Variants in EFHB observed in about 807,000 individuals in gnomAD.
The protein encoded by EFHB is EF-hand domain-containing family member B.
A neutral mutation model predicts 87.2 loss-of-function variants in EFHB; 91 were observed. That is an observed-to-expected ratio of 1.04 (90% confidence interval 0.88 to 1.24). The LOEUF is 1.24. Among genes scored for constraint, EFHB ranks in the 50% most tolerant of loss-of-function variants. EFHB has a pLI of 0.00. For missense variants in EFHB, 1,084 were observed against 998.8 expected (o/e 1.09, Z -1.15); for synonymous variants, 325 against 333.6 (o/e 0.97, Z 0.28).
In EFHB at chr3:19,919,808, C is replaced by G. The variant is rs73190442; in HGVS notation, c.996+25G>C. On this transcript the variant is annotated intron_variant, in intron 3 of 12. Transcript: ENST00000295824. Reference sequence around the variant, plus strand: ...TTCACCTTGGTAAATTAATAATGTACAAGGAAAAAAAGAAAATAACTTACC... The same window carrying G: ...TTCACCTTGGTAAATTAATAATGTAGAAGGAAAAAAAGAAAATAACTTACC... 7,363 of 1,599,032 alleles carry G rather than the reference C, an allele frequency of 4.6e-3. 196 individuals carry two copies. The African/African-American group carries it at 0.072, about 16-fold the overall frequency.
intron 12 of EFHB, among the ~76,000 whole-genome samples, chr3:19,881,574 T>C (rs183913827): frequency 1.3e-5 from 2 of 152,148 alleles, no homozygotes; most frequent in African/African-American, 2.4e-5. Context: ...ATCTGGAGGT[T>C]TTCTTCTTTG....
intron 3 of EFHB, among the ~76,000 whole-genome samples, chr3:19,919,250 G>T (rs1225030280): frequency 6.6e-6 from 1 of 151,820 alleles, no homozygotes; most frequent in Non-Finnish European, 1.5e-5. Context: ...AGGCTGGATT[G>T]CAGTGGCATG....
intron 4 of EFHB, among the ~76,000 whole-genome samples, chr3:19,917,444 G>A (rs1695272703): frequency 6.6e-6 from 1 of 152,076 alleles, no homozygotes; most frequent in South Asian, 2.1e-4. Context: ...GCCTTTCGGT[G>A]AACAAAGCTA....
chr3:19,920,081 T>A, intron 2 of EFHB, 105 bp from the exon 3 acceptor site: 2 of 1,197,984 alleles, frequency 1.7e-6, no homozygotes, highest in Non-Finnish European at 1.2e-6. Flanking sequence ...ATGTATGTAG[T>A]AAATGCATTT....
At chr3:19,892,609 C>T (rs1286934292) in intron 9 of EFHB, among the ~76,000 whole-genome samples, 13 of 152,166 alleles carry the variant, frequency 8.5e-5, no homozygotes, top group Non-Finnish European at 7.4e-5. Flanking sequence ...AAATTTAATT[C>T]TATTTCAGCC....
At chr3:19,935,844 T>C (rs1255947923), upstream of EFHB, among the ~76,000 whole-genome samples, 4 of 151,806 alleles carry the variant, frequency 2.6e-5, no homozygotes, top group African/African-American at 9.7e-5. Flanking sequence ...ACCCCGTTTC[T>C]ACTTAAAATA....
intron 8 of EFHB, 26 bp downstream of exon 8, chr3:19,898,752 T>C (rs1229480365): frequency 1.2e-6 from 2 of 1,611,452 alleles, no homozygotes; most frequent in Non-Finnish European, 1.7e-6. Flanking sequence ...TTTGGGGTTT[T>C]TTACGGAGAA....
At chr3:19,931,476 C>G (rs1695829886) in intron 1 of EFHB, among the ~76,000 whole-genome samples, 1 of 152,158 alleles carries the variant, frequency 6.6e-6, no homozygotes, top group Non-Finnish European at 1.5e-5. Context: ...AGTAAAGTGG[C>G]TGGGAAAACC....
chr3:19,900,325 C>T (rs1250825609), intron 6 of EFHB, among the ~76,000 whole-genome samples: 1 of 151,910 alleles, frequency 6.6e-6, no homozygotes, highest in African/African-American at 2.4e-5. Flanking sequence ...AAATAACTCA[C>T]ATCTAGTAAG....
intron 1 of EFHB, among the ~76,000 whole-genome samples, chr3:19,941,916 G>A (rs1696168011): frequency 7.1e-6 from 1 of 141,516 alleles, no homozygotes; most frequent in Non-Finnish European, 1.5e-5. Flanking sequence ...CACTTTGGGA[G>A]GCTGAGGGGG....
intron 9 of EFHB, among the ~76,000 whole-genome samples, chr3:19,896,094 A>T (rs912471166): frequency 6.6e-6 from 1 of 152,204 alleles, no homozygotes; most frequent in Non-Finnish European, 1.5e-5. Context: ...CCTAGAATGC[A>T]GGTACTCTGT....
intron 5 of EFHB, among the ~76,000 whole-genome samples, chr3:19,906,663 C>T (rs961033761): frequency 2.0e-5 from 3 of 151,136 alleles, no homozygotes; most frequent in African/African-American, 2.4e-5. Context: ...AATGTGATCC[C>T]TATCAAAATT....
chr3:19,884,357 G>C (rs774923449), intron 11 of EFHB, 46 bp downstream of exon 11: 1 of 1,542,642 alleles, frequency 6.5e-7, no homozygotes, highest in Admixed American at 1.8e-5. Flanking sequence ...GACAGACAGA[G>C]GACAGTTTGT....
intron 5 of EFHB, among the ~76,000 whole-genome samples, chr3:19,906,720 T>G (rs1440423930): frequency 6.6e-6 from 1 of 151,896 alleles, no homozygotes; most frequent in East Asian, 1.9e-4. Flanking sequence ...TCTTAAAAAT[T>G]TATATAGAAC....
Position 19,899,435 on chromosome 3 carries a change from T to C in EFHB, c.1499A>G (p.Asp500Gly). Residue 500 changes from aspartate to glycine, a missense_variant, in exon 7 of 13, where the codon GAT (aspartate) becomes GGT (glycine). By Grantham distance (94) the Asp-to-Gly change is moderately conservative (BLOSUM62 -1). Coordinates refer to ENST00000295824, the MANE Select transcript of EFHB (RefSeq NM_144715.4). ...TTGAAGTTAATCATTAACTTACGGA[T>C]CTAAAACTCTTCCAAGTTTATGTTG... ...KFQHKLGRVL[D>G]PIAETMNVPP... 3.1e-6 allele frequency: 5 copies of C among 1,596,896 alleles called. No homozygotes were observed. The highest frequency in any genetic ancestry group is 4.3e-6 in the Non-Finnish European group (5 of 1,173,142).
intron 1 of EFHB, among the ~76,000 whole-genome samples, chr3:19,931,692 TCA>T (rs1695836925): frequency 6.6e-6 from 1 of 152,238 alleles, no homozygotes; most frequent in South Asian, 2.1e-4. Flanking sequence ...TACCAATGTC[TCA>T]GACTTACTTT....
In EFHB at chr3:19,879,814, G is replaced by C; in HGVS notation, c.2329-10C>G. 1 of 1,569,728 alleles carries C rather than the reference G, an allele frequency of 6.4e-7. No homozygotes were observed. The highest frequency in any genetic ancestry group is 8.6e-7 in the Non-Finnish European group (1 of 1,161,058). On this transcript the variant is annotated splice_polypyrimidine_tract_variant and intron_variant, in intron 12 of 12. Transcript: ENST00000295824. ...ACAATATCTCTGCAATCTAGAAAAA[G>C]GCATTTAAAATAGACCATGATTTAT... is the stretch of plus-strand genomic sequence containing the variant.
At chr3:19,897,506 C>G (rs529196238) in intron 8 of EFHB, among the ~76,000 whole-genome samples, 79 of 152,278 alleles carry the variant, frequency 5.2e-4, no homozygotes, top group African/African-American at 1.9e-3. Flanking sequence ...CTTCATTTTC[C>G]CTGGCGTACA....
At chr3:19,886,256 A>G (rs911206495) in intron 10 of EFHB, among the ~76,000 whole-genome samples, 12 of 152,220 alleles carry the variant, frequency 7.9e-5, no homozygotes, top group Admixed American at 3.3e-4. Context: ...AGTGGATAGA[A>G]TAGAAAGGCT....
Sources: allele counts gnomAD v4.1 joint callset (sites outside exome capture counted in the v4.1 genomes callset), GRCh38; gene constraint gnomAD v4.1.1; transcripts MANE v1.5; gene names NCBI Gene and HGNC (gene_info 2026-07-23, HGNC 2026-07-21).